The following UBA5 variants were observed in gnomAD, a reference collection of about 807,000 sequenced individuals.
UBA5 encodes ubiquitin-like modifier-activating enzyme 5.
A neutral mutation model predicts 52.9 loss-of-function variants in UBA5; 28 were observed. The observed-to-expected ratio is 0.53, with a 90% CI of 0.39 to 0.73. UBA5 has a LOEUF of 0.73. Among genes scored for constraint, UBA5 ranks in the 30% least tolerant of loss-of-function variants. UBA5 has a pLI of 0.00. For missense variants in UBA5, 388 were observed against 492.7 expected (o/e 0.79, Z 2.01); for synonymous variants, 135 against 162.1 (o/e 0.83, Z 1.27).
At chr3:132,674,315 A>G (rs536266079) in intron 8 of UBA5, among the ~76,000 whole-genome samples, 3 of 152,236 alleles carry the variant, frequency 2.0e-5, no homozygotes, top group African/African-American at 7.2e-5. Context: ...AGCTTTTATT[A>G]TGTTAGTGCA....
rs1433982595 is a variant in UBA5 at position 132,660,994 on chromosome 3, T to G, written c.161+296T>G. 1 of 1,451,872 alleles carries G rather than the reference T, an allele frequency of 6.9e-7. No individual in the cohort carries two copies. The highest frequency in any genetic ancestry group is 2.1e-5 in the Admixed American group (1 of 48,352). 89.9% of individuals were successfully genotyped at this position (1,451,872 alleles called of 1,614,324 possible). On this transcript the variant is annotated intron_variant, in intron 1 of 11. Coordinates refer to ENST00000356232, the MANE Select transcript of UBA5 (RefSeq NM_024818.6). This position sits in a 1 kb window ranked among gnomAD's most constrained non-coding sequence, Gnocchi z 4.1. ...CTTAATTAGTCCGCCTCGCTGTGTA[T>G]AAGACTGATAGTAAGAACTTTCAGA...
upstream of UBA5, chr3:132,659,461 A>C: frequency 8.5e-7 from 1 of 1,179,632 alleles, no homozygotes; most frequent in South Asian, 1.6e-5. Flanking sequence ...CGGCAATAGC[A>C]GCTCATGCCT....
In UBA5 at chr3:132,676,710, TC is replaced by T. The variant is rs1938855420; in HGVS notation, c.*186del. Reference sequence around the variant, plus strand: ...CCCGCTCCAACGAAATCATTAACTCTCCTAAAATGTGTTTCATTCTAGTAAG... The same window carrying T: ...CCCGCTCCAACGAAATCATTAACTCTCTAAAATGTGTTTCATTCTAGTAAG... On this transcript the variant is annotated 3_prime_UTR_variant, in exon 12 of 12. Coordinates refer to ENST00000356232, the MANE Select transcript of UBA5 (RefSeq NM_024818.6). The surrounding 1 kb of genome is among the most constrained non-coding windows in gnomAD (Gnocchi z 4.1). 1.6e-6 allele frequency: 1 copy of T among 615,942 alleles called. No individual in the cohort carries two copies. The highest frequency in any genetic ancestry group is 3.0e-6 in the Non-Finnish European group (1 of 336,556). 38.2% of individuals were successfully genotyped at this position (615,942 alleles called of 1,614,324 possible).
chr3:132,657,889 G>A (rs1576632287), upstream of UBA5, among the ~76,000 whole-genome samples: 1 of 104,430 alleles, frequency 9.6e-6, no homozygotes, highest in East Asian at 3.4e-4. Context: ...TTTTTTTTGA[G>A]TCTCACTCTG....
rs1340800261 is a variant in UBA5, at chr3:132,676,107, A to C, written c.1131+184A>C. On this transcript the variant is annotated intron_variant, in intron 11 of 11. Coordinates refer to ENST00000356232, the MANE Select transcript of UBA5 (RefSeq NM_024818.6). This position sits in a 1 kb window ranked among gnomAD's most constrained non-coding sequence, Gnocchi z 4.1. The stretch of plus-strand genomic sequence containing the variant: ...TATTTATAGCTTAAACTTTTAAAAC[A>C]TAGAATAAAATGGTTTTGTTCACTC... Among the ~76,000 whole-genome samples the C allele has an allele frequency of 2.7e-5, 4 of 148,396 alleles. No individual in the cohort carries two copies. The highest frequency in any genetic ancestry group is 4.1e-4 in the South Asian group (2 of 4,834).
At position 132,675,882 on chromosome 3, in the gene UBA5, T is replaced by A. The variant is rs781045424; in HGVS notation, c.1090T>A (p.Leu364Ile). 6.2e-7 allele frequency: 1 copy of A among 1,611,562 alleles called. No individual in the cohort carries two copies. The highest frequency in any genetic ancestry group is 1.1e-5 in the South Asian group (1 of 90,574). ...LKNFSGPVPD[L>I]PEGITVAYTI... ...AAATTTTTCAGGTCCAGTTCCAGAC[T>A]TACCTGAAGGAATTACAGTGGCATA... The change falls in exon 11 of 12, where the codon TTA becomes ATA. Residue 364 changes from leucine (L) to isoleucine (I), a missense_variant. Leu to Ile is a conservative substitution (Grantham distance 5). Transcript: ENST00000356232.
At chr3:132,659,946 A>C, upstream of UBA5, 1 of 567,264 alleles carries the variant, frequency 1.8e-6, no homozygotes, top group South Asian at 3.0e-5. Flanking sequence ...AGCTCTAGTC[A>C]AGTGCCAAAA....
chr3:132,665,759 T>A (rs1938350317), intron 1 of UBA5, 64 bp from the exon 2 acceptor site: 1 of 1,435,886 alleles, frequency 7.0e-7, no homozygotes, highest in Admixed American at 1.8e-5. Context: ...ATGATGTATG[T>A]CTATTTGTAT....
intron 8 of UBA5, among the ~76,000 whole-genome samples, chr3:132,673,898 C>T (rs941129262): frequency 2.5e-4 from 38 of 152,076 alleles, no homozygotes; most frequent in African/African-American, 8.2e-4. Context: ...CTCCTGGGCT[C>T]GAGCAGTCTG....
At position 132,679,195 on chromosome 3, in the gene UBA5, G is replaced by A. The variant is rs1221277296; in HGVS notation, c.*2669G>A. 6.6e-6 allele frequency among the ~76,000 whole-genome samples: 1 copy of A among 151,974 alleles called. No homozygotes were observed. The highest frequency in any genetic ancestry group is 2.4e-5 in the African/African-American group (1 of 41,384). On this transcript the variant is annotated 3_prime_UTR_variant, in exon 12 of 12. Transcript: ENST00000356232. ...AGGCAGGAGAATCGCTTGAACCTGGGAGGCAGAGGTTGCAGTGAGCTGAGA... is the reference window on the plus strand; with the variant it reads ...AGGCAGGAGAATCGCTTGAACCTGGAAGGCAGAGGTTGCAGTGAGCTGAGA...
At chr3:132,675,223 T>A (rs758892805) in intron 8 of UBA5, 25 bp from the exon 9 acceptor site, 12 of 1,513,792 alleles carry the variant, frequency 7.9e-6, no homozygotes, top group Admixed American at 7.1e-5. Context: ...AATTTCTTTA[T>A]TTAAGTCTAT....
intron 1 of UBA5, among the ~76,000 whole-genome samples, chr3:132,663,768 G>T (rs1938265314): frequency 2.0e-5 from 3 of 152,068 alleles, no homozygotes; most frequent in Non-Finnish European, 4.4e-5. Context: ...TAACATGAAA[G>T]AAATAAAAAT....
Position 132,668,874 on chromosome 3 carries a change from C to T in UBA5, c.354C>T (p.Phe118=). 5.6e-6 allele frequency: 9 copies of T among 1,611,540 alleles called. No homozygotes were observed. The highest frequency in any genetic ancestry group is 7.6e-6 in the Non-Finnish European group (9 of 1,179,290). ...TAGCCAATATGAATAGACTTTTCTT[C>T]CAACCTCATCAAGCAGGATTAAGTA... ...VELANMNRLF[F]QPHQAGLSKV... The change falls in exon 4 of 12, where the codon TTC becomes TTT. Residue 118 remains phenylalanine, a synonymous_variant. Transcript: ENST00000356232.
chr3:132,675,071 C>T (rs1042193453), intron 8 of UBA5, among the ~76,000 whole-genome samples, 177 bp from the exon 9 acceptor site: 1 of 152,034 alleles, frequency 6.6e-6, no homozygotes, highest in African/African-American at 2.4e-5. Flanking sequence ...GAAGTATCTA[C>T]TATGAGCCAG....
Position 132,660,779 on chromosome 3 carries a change from T to C in UBA5, c.161+81T>C. ...GGTCAGAAGTGAGGCGCTTCCCACG[T>C]CCCGCTCATGGGGACGCCCGCCACC... On this transcript the variant is annotated intron_variant, in intron 1 of 11. Coordinates refer to ENST00000356232, the MANE Select transcript of UBA5 (RefSeq NM_024818.6). The surrounding 1 kb of genome is among the most constrained non-coding windows in gnomAD (Gnocchi z 4.1). The C allele has an allele frequency of 6.9e-7, 1 of 1,451,296 alleles. No individual in the cohort carries two copies. The highest frequency in any genetic ancestry group is 9.1e-7 in the Non-Finnish European group (1 of 1,099,564). The allele number at this position is 1,451,296 out of a possible 1,614,324, so 89.9% of individuals were successfully genotyped here. A position where few individuals can be genotyped will look rare whatever the true frequency, so the allele number is the denominator to read the frequency against.
upstream of UBA5, chr3:132,659,524 G>A: frequency 3.1e-6 from 5 of 1,588,898 alleles, no homozygotes; most frequent in East Asian, 6.8e-5. Context: ...GAGAAACTTA[G>A]GAAACCACCC....
upstream of UBA5, among the ~76,000 whole-genome samples, chr3:132,655,590 A>G (rs1302902644): frequency 1.3e-5 from 2 of 152,120 alleles, no homozygotes; most frequent in East Asian, 3.9e-4. Context: ...TCCCCCTTCA[A>G]GTCTTTGCTG....
intron 8 of UBA5, among the ~76,000 whole-genome samples, chr3:132,674,617 A>AG (rs1257210031): frequency 6.6e-6 from 1 of 152,152 alleles, no homozygotes; most frequent in African/African-American, 2.4e-5. Context: ...TGAGCCTGGG[A>AG]GGGCGAGGCT....
At chr3:132,660,316 C>T, upstream of UBA5, 2 of 610,114 alleles carry the variant, frequency 3.3e-6, no homozygotes, top group South Asian at 4.0e-5. This position sits in a 1 kb window ranked among gnomAD's most constrained non-coding sequence, Gnocchi z 4.1. Flanking sequence ...TGAGGGGGAG[C>T]GATGTCTGCG....
Sources: gnomAD v4.1 joint callset for allele counts (sites outside exome capture counted in the v4.1 genomes callset) on GRCh38, gnomAD v4.1.1 for gene constraint, Gnocchi (gnomAD v3.1) non-coding constraint, MANE v1.5 for transcripts, NCBI Gene and HGNC (gene_info 2026-07-23, HGNC 2026-07-21) for gene names.